ROBO2: variants seen among roughly 807,000 people sequenced by gnomAD.
The protein encoded by ROBO2 is roundabout homolog 2.
Under a neutral mutation model 160.8 loss-of-function variants are expected in ROBO2, and 53 were observed. The ratio of observed to expected loss-of-function variants is 0.33; its 90% CI spans 0.26 to 0.41. The LOEUF is 0.41. Among genes scored for constraint, ROBO2 ranks in the 10% least tolerant of loss-of-function variants. The probability of loss-of-function intolerance (pLI) is 1.00; values close to 1 mark genes in which losing one functional copy is unlikely to be tolerated. For missense variants in ROBO2, 1,577 were observed against 1,722.4 expected (o/e 0.92, Z 1.49); for synonymous variants, 664 against 611.7 (o/e 1.09, Z -1.26).
intron 2 of ROBO2, among the ~76,000 whole-genome samples, chr3:77,163,496 C>T (rs529751322): frequency 1.3e-5 from 2 of 152,296 alleles, no homozygotes; most frequent in East Asian, 3.9e-4. Flanking sequence ...ATTCATTTCA[C>T]AATGCTGTGT....
intron 2 of ROBO2, among the ~76,000 whole-genome samples, chr3:76,538,667 G>A (rs1318331792): frequency 6.6e-6 from 1 of 152,172 alleles, no homozygotes; most frequent in African/African-American, 2.4e-5. Flanking sequence ...GAGGTTTGAT[G>A]TATAAATAAA....
intron 2 of ROBO2, among the ~76,000 whole-genome samples, chr3:76,707,963 G>C (rs1392567464): frequency 2.0e-5 from 3 of 151,864 alleles, no homozygotes; most frequent in South Asian, 2.1e-4. Flanking sequence ...ATCCCCTCTT[G>C]AGAGAAAAAG....
At chr3:77,319,613 A>G (rs1300804506) in intron 2 of ROBO2, among the ~76,000 whole-genome samples, 2 of 152,222 alleles carry the variant, frequency 1.3e-5, no homozygotes, top group South Asian at 2.1e-4. Flanking sequence ...TGAAGAGGAA[A>G]GGAAAATAAC....
chr3:76,241,485 T>G (rs771364834), intron 2 of ROBO2, among the ~76,000 whole-genome samples: 2 of 152,168 alleles, frequency 1.3e-5, no homozygotes, highest in Non-Finnish European at 2.9e-5. Context: ...CTTATATACT[T>G]GTATGTTTGA....
At chr3:76,056,234 T>C (rs912884883) in intron 2 of ROBO2, among the ~76,000 whole-genome samples, 1 of 152,188 alleles carries the variant, frequency 6.6e-6, no homozygotes, top group South Asian at 2.1e-4. Context: ...CACCATTTTA[T>C]GTAAAGGACT....
Position 76,246,336 on chromosome 3 carries a change from A to G in ROBO2, c.109+308734A>G, listed in dbSNP as rs957042306. Among the ~76,000 whole-genome samples, 6 of 152,128 alleles carry G rather than the reference A, an allele frequency of 3.9e-5. No individual in the cohort carries two copies. In the East Asian group the frequency reaches 7.7e-4, roughly 20 times the overall value. On this transcript the variant is annotated intron_variant, in intron 2 of 26. Coordinates refer to the ROBO2 transcript ENST00000487694. ...GCACAGGGTATAATTCAATTGTATC[A>G]TTTCTTGTAATTTGAGGACGTAAGT...
intron 2 of ROBO2, among the ~76,000 whole-genome samples, chr3:77,405,960 G>A (rs954140083): frequency 3.3e-5 from 5 of 152,180 alleles, no homozygotes; most frequent in Admixed American, 6.6e-5. Context: ...GAAGTAAAAT[G>A]CATATAGTCC....
chr3:75,945,474 A>G (rs1948247089), intron 2 of ROBO2, among the ~76,000 whole-genome samples: 1 of 152,050 alleles, frequency 6.6e-6, no homozygotes, highest in Non-Finnish European at 1.5e-5. Context: ...GACCTTGGCT[A>G]TGGTTTGAAG....
At chr3:77,609,758 A>AT (rs1485503376) in intron 21 of ROBO2, among the ~76,000 whole-genome samples, 2 of 147,916 alleles carry the variant, frequency 1.4e-5, no homozygotes, top group African/African-American at 2.5e-5. Flanking sequence ...AAAACACAAA[A>AT]TTGTTTCTAC....
At chr3:77,476,116 C>A (rs77993573) in intron 2 of ROBO2, among the ~76,000 whole-genome samples, 1,937 of 152,236 alleles carry the variant, frequency 0.013, 47 homozygotes, top group African/African-American at 0.043. Flanking sequence ...AAAAGAAAAA[C>A]CCTGAAGTCA....
At chr3:77,258,188 T>C (rs1477348582) in intron 2 of ROBO2, among the ~76,000 whole-genome samples, 1 of 152,200 alleles carries the variant, frequency 6.6e-6, no homozygotes, top group African/African-American at 2.4e-5. Flanking sequence ...GAAAGGCGCA[T>C]GTAGTTCAGA....
At chr3:77,031,906 G>A (rs1463161945) in intron 2 of ROBO2, among the ~76,000 whole-genome samples, 1 of 152,022 alleles carries the variant, frequency 6.6e-6, no homozygotes, top group African/African-American at 2.4e-5. Flanking sequence ...TGGAAGCTGG[G>A]AAGTTCAAGA....
At chr3:76,134,365 A>G (rs1034832593) in intron 2 of ROBO2, among the ~76,000 whole-genome samples, 5 of 151,982 alleles carry the variant, frequency 3.3e-5, no homozygotes, top group Non-Finnish European at 7.4e-5. Flanking sequence ...CCTGCTTGTC[A>G]TGTATTCTCA....
intron 2 of ROBO2, among the ~76,000 whole-genome samples, chr3:76,973,269 C>A (rs1413123173): frequency 6.6e-6 from 1 of 152,140 alleles, no homozygotes; most frequent in Non-Finnish European, 1.5e-5. Flanking sequence ...CAAGTCCTAG[C>A]AACTCAGTGG....
At chr3:76,594,620 T>C (rs2086625224) in intron 2 of ROBO2, among the ~76,000 whole-genome samples, 2 of 152,162 alleles carry the variant, frequency 1.3e-5, no homozygotes, top group Non-Finnish European at 2.9e-5. Context: ...GGGTGATTTT[T>C]TTCTAACAAC....
At chr3:77,214,771 C>T (rs1406373857) in intron 2 of ROBO2, among the ~76,000 whole-genome samples, 2 of 152,146 alleles carry the variant, frequency 1.3e-5, no homozygotes, top group Non-Finnish European at 1.5e-5. Flanking sequence ...TTAGGGCAGG[C>T]CTGGTGGTGA....
At chr3:76,809,009 T>C (rs1347625713) in intron 2 of ROBO2, among the ~76,000 whole-genome samples, 1 of 152,174 alleles carries the variant, frequency 6.6e-6, no homozygotes, top group Non-Finnish European at 1.5e-5. Context: ...CGCATCAGAA[T>C]TACAATTTGC....
chr3:77,077,110 C>G (rs1455244730), intron 1 of ROBO2, among the ~76,000 whole-genome samples: 1 of 152,118 alleles, frequency 6.6e-6, no homozygotes, highest in African/African-American at 2.4e-5. Context: ...CAAAAACTTT[C>G]AATTATGTTT....
chr3:76,657,351 G>A (rs2091583526), intron 2 of ROBO2, among the ~76,000 whole-genome samples: 1 of 151,668 alleles, frequency 6.6e-6, no homozygotes, highest in African/African-American at 2.4e-5. Flanking sequence ...CGTGAACCCC[G>A]GAGGCCAAGC....
Sources: gnomAD v4.1 joint callset for allele counts (sites outside exome capture counted in the v4.1 genomes callset) on GRCh38, gnomAD v4.1.1 for gene constraint, MANE v1.5 for transcripts, NCBI Gene and HGNC (gene_info 2026-07-23, HGNC 2026-07-21) for gene names.